Variants in AOAH observed in about 807,000 individuals in gnomAD.
AOAH encodes acyloxyacyl hydrolase.
AOAH carries 64 observed loss-of-function variants against 92.2 expected under a neutral mutation model. That is an observed-to-expected ratio of 0.69 (90% confidence interval 0.57 to 0.86). The LOEUF (loss-of-function observed/expected upper bound fraction) is 0.86, where lower values mean the gene tolerates loss of function less well. Ranked by LOEUF, AOAH falls within the 40% of genes least tolerant of loss-of-function variation. AOAH has a pLI of 0.00. For missense variants in AOAH, 656 were observed against 694.6 expected, an observed-to-expected ratio of 0.94 and a Z score of 0.62; for synonymous variants, 263 against 254.5, an observed-to-expected ratio of 1.03 and a Z score of -0.32.
At chr7:36,691,992 C>T (rs1797427806) in intron 1 of AOAH, among the ~76,000 whole-genome samples, 1 of 152,222 alleles carries the variant, frequency 6.6e-6, no homozygotes, top group Admixed American at 6.5e-5. Flanking sequence ...GCCATTTCAT[C>T]ATCTACCAGC....
At chr7:36,578,529 C>G (rs1469850383) in intron 12 of AOAH, among the ~76,000 whole-genome samples, 1 of 152,112 alleles carries the variant, frequency 6.6e-6, no homozygotes, top group Non-Finnish European at 1.5e-5. Flanking sequence ...ACACCTCCCT[C>G]CACTCTCCAT....
Position 36,702,106 on chromosome 7 carries a change from A to G in AOAH, c.128-15312T>C, listed in dbSNP as rs141253839. Among the ~76,000 whole-genome samples, 105 of 152,260 alleles carry G rather than the reference A, an allele frequency of 6.9e-4. 1 individual carries two copies. Among genetic ancestry groups the G allele is most frequent in the African/African-American group, 2.2e-3 (92 of 41,564 alleles). ...TATTTTTGTCATACATTTTATATCT[A>G]TAAGTGTTATAAATACAACAATACA... On this transcript the variant is annotated intron_variant, in intron 1 of 20. Transcript: ENST00000617537.
rs1053816129 is a variant in AOAH, at chr7:36,513,339, C to T, written c.1641G>A (p.Val547=). 1.9e-6 allele frequency: 3 copies of T among 1,614,174 alleles called. No homozygotes were observed. Among genetic ancestry groups the T allele is most frequent in the East Asian group, 2.2e-5 (1 of 44,880 alleles). The change falls in exon 21 of 21, where the codon GTG becomes GTA. Residue 547 remains valine (V), a synonymous_variant. Coordinates refer to ENST00000617537, the MANE Select transcript of AOAH (RefSeq NM_001637.4). ...LLLADHFWKK[V]QLQWPQILGK... ...CCAGGATTTGGGGCCACTGGAGCTG[C>T]ACCTTTTTCCAGAAATGATCCGCCA...
At chr7:36,561,762 G>A (rs1787284662) in intron 13 of AOAH, among the ~76,000 whole-genome samples, 1 of 152,188 alleles carries the variant, frequency 6.6e-6, no homozygotes, top group African/African-American at 2.4e-5. Flanking sequence ...AGCAACACTT[G>A]TCTTCATTAT....
At chr7:36,566,048 GTCTT>G (rs1312228863) in intron 13 of AOAH, among the ~76,000 whole-genome samples, 1 of 147,552 alleles carries the variant, frequency 6.8e-6, no homozygotes, top group East Asian at 2.0e-4. Context: ...TGATTGCTTA[GTCTT>G]TCTTTGTCTT....
At chr7:36,589,160 G>T (rs533586910) in intron 12 of AOAH, among the ~76,000 whole-genome samples, 67 of 152,126 alleles carry the variant, frequency 4.4e-4, no homozygotes, top group Middle Eastern at 3.4e-3. Context: ...CAGAATAAGG[G>T]GATACGAACG....
intron 13 of AOAH, among the ~76,000 whole-genome samples, chr7:36,557,573 A>G (rs1238439148): frequency 6.6e-6 from 1 of 152,222 alleles, no homozygotes; most frequent in Non-Finnish European, 1.5e-5. Flanking sequence ...AATATCCTGT[A>G]GAGTGTTTTC....
In AOAH at chr7:36,619,287, C is replaced by T. The variant is rs536970219; in HGVS notation, c.703-942G>A. 5.3e-5 allele frequency among the ~76,000 whole-genome samples: 8 copies of T among 152,258 alleles called. No homozygotes were observed. In the South Asian group the frequency reaches 1.5e-3, roughly 28 times the overall value. Reference sequence around the variant, plus strand: ...GTTGTGGTTCTGTGAGTGGTGTTTCCTCTGTGGAAGGGGATAGGTATGAAA... The same window carrying T: ...GTTGTGGTTCTGTGAGTGGTGTTTCTTCTGTGGAAGGGGATAGGTATGAAA... On this transcript the variant is annotated intron_variant, in intron 9 of 20. Coordinates refer to ENST00000617537, the MANE Select transcript of AOAH (RefSeq NM_001637.4).
chr7:36,722,656 C>T (rs1799702415), intron 1 of AOAH, among the ~76,000 whole-genome samples: 1 of 151,862 alleles, frequency 6.6e-6, no homozygotes, highest in Non-Finnish European at 1.5e-5. Flanking sequence ...ACTTTGGAGG[C>T]TGGGCGCGGT....
chr7:36,522,913 C>T (rs1784179001), intron 19 of AOAH, among the ~76,000 whole-genome samples: 1 of 152,202 alleles, frequency 6.6e-6, no homozygotes, highest in South Asian at 2.1e-4. Flanking sequence ...CCCCAGAAAA[C>T]TCAAGAACAT....
intron 4 of AOAH, among the ~76,000 whole-genome samples, chr7:36,649,256 G>A (rs1251001792): frequency 2.0e-5 from 3 of 152,240 alleles, no homozygotes; most frequent in Non-Finnish European, 4.4e-5. Flanking sequence ...AGGGGAATGA[G>A]TGTTCTGTGA....
At chr7:36,664,586 C>T (rs968046729) in intron 3 of AOAH, among the ~76,000 whole-genome samples, 4 of 152,078 alleles carry the variant, frequency 2.6e-5, no homozygotes, top group Admixed American at 2.6e-4. Context: ...AATATTGTGT[C>T]GACCATTCTT....
intron 20 of AOAH, among the ~76,000 whole-genome samples, chr7:36,517,214 C>CTTTCTTTCTTTTCTTTTTCTCTT (rs59205788): frequency 1.9e-5 from 2 of 104,830 alleles, no homozygotes; most frequent in African/African-American, 8.0e-5. Context: ...TTCTTTCTTT[C>CTTTCTTTCTTTTCTTTTTCTCTT]TCTTTCTTTC....
intron 1 of AOAH, among the ~76,000 whole-genome samples, chr7:36,705,570 A>C (rs1427618023): frequency 6.6e-6 from 1 of 152,198 alleles, no homozygotes; most frequent in African/African-American, 2.4e-5. Context: ...AAAGCAATTT[A>C]CAGATTCAAT....
chr7:36,720,458 A>G (rs571158029), intron 1 of AOAH, among the ~76,000 whole-genome samples: 11 of 152,144 alleles, frequency 7.2e-5, no homozygotes, highest in African/African-American at 2.6e-4. Flanking sequence ...GGCGTAAGCC[A>G]CCACACACGA....
At chr7:36,545,420 A>G (rs1785739900) in intron 15 of AOAH, among the ~76,000 whole-genome samples, 2 of 152,086 alleles carry the variant, frequency 1.3e-5, no homozygotes, top group South Asian at 4.1e-4. Context: ...TGGCTTTTCT[A>G]TCATCTGAAT....
intron 1 of AOAH, among the ~76,000 whole-genome samples, chr7:36,700,834 T>G (rs1797985808): frequency 6.6e-6 from 1 of 152,074 alleles, no homozygotes; most frequent in African/African-American, 2.4e-5. Context: ...TTCTACATCC[T>G]TTCAACATCT....
At chr7:36,573,391 T>C (rs1291929255) in intron 13 of AOAH, among the ~76,000 whole-genome samples, 2 of 152,162 alleles carry the variant, frequency 1.3e-5, no homozygotes, top group African/African-American at 4.8e-5. Context: ...AATCATTCCC[T>C]GGATTAAAGA....
At chr7:36,606,101 G>A (rs1790980852) in intron 11 of AOAH, among the ~76,000 whole-genome samples, 2 of 152,208 alleles carry the variant, frequency 1.3e-5, no homozygotes, top group Admixed American at 1.3e-4. Context: ...TATTTCTGGA[G>A]TCGACATGAA....
Sources: allele counts gnomAD v4.1 joint callset (sites outside exome capture counted in the v4.1 genomes callset), GRCh38; gene constraint gnomAD v4.1.1; transcripts MANE v1.5; gene names NCBI Gene and HGNC (gene_info 2026-07-23, HGNC 2026-07-21).